The following GLT1D1 variants were observed in gnomAD, a reference collection of about 807,000 sequenced individuals.
GLT1D1 encodes glycosyltransferase 1 domain-containing protein 1.
In GLT1D1, 21 loss-of-function variants were observed where a neutral mutation model predicts 28.7. The observed-to-expected ratio is 0.73, with a 90% confidence interval of 0.52 to 1.05. GLT1D1 has a LOEUF of 1.05. Among genes scored for constraint, GLT1D1 ranks in the 50% least tolerant of loss-of-function variants. The probability of loss-of-function intolerance (pLI) is 0.00; values close to 1 mark genes in which losing one functional copy is unlikely to be tolerated. For synonymous variants in GLT1D1, 147 were observed against 124.8 expected, an observed-to-expected ratio of 1.18 and a Z score of -1.19; for missense variants, 343 against 330.6, an observed-to-expected ratio of 1.04 and a Z score of -0.29.
At chr12:128,908,125 A>G in intron 4 of GLT1D1, among the ~76,000 whole-genome samples, 1 of 151,982 alleles carries the variant, frequency 6.6e-6, no homozygotes, top group East Asian at 1.9e-4. Context: ...TCTGTCCCCC[A>G]CGCTGGAGTG....
intron 4 of GLT1D1, among the ~76,000 whole-genome samples, chr12:128,941,905 C>CTTTTTTTTTTTTTTTTTTTT (rs60663875): frequency 2.9e-4 from 22 of 75,348 alleles, no homozygotes; most frequent in African/African-American, 5.5e-4. Context: ...CTCTCTCTCT[C>CTTTTTTTTTTTTTTTTTTTT]TTTTTTTTTT....
At chr12:128,882,496 C>G (rs1286473269) in intron 2 of GLT1D1, among the ~76,000 whole-genome samples, 3 of 151,996 alleles carry the variant, frequency 2.0e-5, no homozygotes, top group African/African-American at 7.3e-5. Flanking sequence ...AGGCTAGTCT[C>G]GAATCCTGAC....
intron 4 of GLT1D1, among the ~76,000 whole-genome samples, chr12:128,907,526 T>C (rs1811394): frequency 0.042 from 6,418 of 152,192 alleles, 472 homozygotes; most frequent in African/African-American, 0.15. Context: ...AGGCTGGTCT[T>C]GATCTCCTGA....
At chr12:128,908,895 G>T (rs1394430148) in intron 4 of GLT1D1, among the ~76,000 whole-genome samples, 3 of 152,136 alleles carry the variant, frequency 2.0e-5, no homozygotes, top group East Asian at 1.9e-4. Context: ...CTTGCAGTGA[G>T]CCGAGATCGC....
At chr12:128,979,379 A>G (rs1320626709) in intron 7 of GLT1D1, among the ~76,000 whole-genome samples, 1 of 151,704 alleles carries the variant, frequency 6.6e-6, no homozygotes, top group Non-Finnish European at 1.5e-5. Flanking sequence ...ATTCTCCTCT[A>G]GGGCACGGTT....
chr12:128,956,171 A>AAAAAAAAGAGAG (rs374597920), intron 6 of GLT1D1, among the ~76,000 whole-genome samples: 2 of 63,940 alleles, frequency 3.1e-5, no homozygotes, highest in Non-Finnish European at 7.1e-5. Context: ...AAAAAAAAAA[A>AAAAAAAAGAGAG]AGAGAAAGAG....
intron 4 of GLT1D1, among the ~76,000 whole-genome samples, chr12:128,917,863 C>T (rs1872259872): frequency 6.6e-6 from 1 of 152,158 alleles, no homozygotes; most frequent in African/African-American, 2.4e-5. Context: ...AACGCTTTTA[C>T]CCTGTTAGTG....
Position 128,960,627 on chromosome 12 carries a change from G to C in GLT1D1, c.639+2984G>C, listed in dbSNP as rs188438653. On this transcript the variant is annotated intron_variant, in intron 7 of 7. Transcript: ENST00000281703. ...TGAAAATGAGCCAGGTGTGGTGGTGGGTGCATGTAATCCTGGCTACATGGG... is the reference window on the plus strand; with the variant it reads ...TGAAAATGAGCCAGGTGTGGTGGTGCGTGCATGTAATCCTGGCTACATGGG... 2.4e-3 allele frequency among the ~76,000 whole-genome samples: 359 copies of C among 151,992 alleles called. 1 individual carries two copies. Among genetic ancestry groups the C allele is most frequent in the African/African-American group, 8.3e-3 (344 of 41,452 alleles).
chr12:128,923,694 G>T (rs1872885817), intron 4 of GLT1D1, among the ~76,000 whole-genome samples: 2 of 151,856 alleles, frequency 1.3e-5, no homozygotes, highest in Non-Finnish European at 2.9e-5. Flanking sequence ...GCTAATTTTT[G>T]TATTTTTAGT....
chr12:128,912,788 C>A (rs918433260), intron 4 of GLT1D1, among the ~76,000 whole-genome samples: 4 of 151,902 alleles, frequency 2.6e-5, no homozygotes, highest in Admixed American at 2.0e-4. Context: ...TCAGCCCCCC[C>A]AGTAGCTGGG....
chr12:128,964,748 G>T (rs769388937), intron 7 of GLT1D1, among the ~76,000 whole-genome samples: 17 of 152,186 alleles, frequency 1.1e-4, no homozygotes, highest in South Asian at 4.1e-4. Context: ...TGAAGAGATT[G>T]CTAAGGACCA....
chr12:128,957,537 TC>T lies in GLT1D1; in HGVS notation c.541-6del, dbSNP rs1401842429. On this transcript the variant is annotated splice_region_variant and splice_polypyrimidine_tract_variant and intron_variant, in intron 6 of 7. Transcript: ENST00000281703. ...GCCTTCCACCCCCTTTTCTCCTGTCTCCTCCAGGCAATGGATTTAGAAGTAC... is the reference window on the plus strand; with the variant it reads ...GCCTTCCACCCCCTTTTCTCCTGTCTCTCCAGGCAATGGATTTAGAAGTAC... 2 of 1,601,144 alleles carry T rather than the reference TC, an allele frequency of 1.2e-6. No homozygotes were observed. Among genetic ancestry groups the T allele is most frequent in the Non-Finnish European group, 1.7e-6 (2 of 1,168,400 alleles).
intron 6 of GLT1D1, 94 bp downstream of exon 10, chr12:128,947,552 T>C: frequency 7.0e-7 from 1 of 1,422,402 alleles, no homozygotes; most frequent in South Asian, 1.2e-5. Flanking sequence ...TCAATAACAT[T>C]CTGCACTTCT....
At chr12:128,934,809 C>T (rs868184354) in intron 4 of GLT1D1, among the ~76,000 whole-genome samples, 30 of 152,334 alleles carry the variant, frequency 2.0e-4, no homozygotes, top group African/African-American at 6.7e-4. Context: ...AGGCTTCACA[C>T]CTGAGAAAAT....
At chr12:128,959,388 T>C (rs1384185537) in intron 7 of GLT1D1, among the ~76,000 whole-genome samples, 1 of 130,146 alleles carries the variant, frequency 7.7e-6, no homozygotes, top group African/African-American at 2.9e-5. Context: ...ACAAACAAGA[T>C]GAAAGCCAGC....
chr12:128,922,628 A>C (rs777805980), intron 4 of GLT1D1, among the ~76,000 whole-genome samples: 1 of 152,202 alleles, frequency 6.6e-6, no homozygotes, highest in Non-Finnish European at 1.5e-5. Flanking sequence ...GATACTTAGA[A>C]TATTAAGGAA....
chr12:128,904,826 G>T (rs2135866278), intron 4 of GLT1D1, among the ~76,000 whole-genome samples: 1 of 152,116 alleles, frequency 6.6e-6, no homozygotes, highest in South Asian at 2.1e-4. Flanking sequence ...TAGAGATGGG[G>T]TTTCACCATG....
chr12:128,964,792 G>A (rs534543324), intron 7 of GLT1D1, among the ~76,000 whole-genome samples: 1 of 152,340 alleles, frequency 6.6e-6, no homozygotes, highest in African/African-American at 2.4e-5. Context: ...CCTGTGCAGG[G>A]TGAGGTTTAA....
intron 1 of GLT1D1, among the ~76,000 whole-genome samples, chr12:128,865,968 G>A (rs765371929): frequency 4.6e-5 from 7 of 152,122 alleles, no homozygotes; most frequent in Non-Finnish European, 7.4e-5. Flanking sequence ...GTATACAGGA[G>A]GATGTGTGAA....
Sources: allele counts gnomAD v4.1 joint callset (sites outside exome capture counted in the v4.1 genomes callset), GRCh38; gene constraint gnomAD v4.1.1; transcripts MANE v1.5; gene names NCBI Gene and HGNC (gene_info 2026-07-23, HGNC 2026-07-21).